Variants in POMGNT2 observed in about 807,000 individuals in gnomAD.
POMGNT2 encodes protein O-linked-mannose beta-1,4-N-acetylglucosaminyltransferase 2.
A neutral mutation model predicts 37.8 loss-of-function variants in POMGNT2; 32 were observed. The observed-to-expected ratio is 0.85, with a 90% confidence interval of 0.64 to 1.14. POMGNT2 has a LOEUF of 1.14. POMGNT2 is among the 50% of genes most tolerant of loss of function. The probability of loss-of-function intolerance (pLI) is 0.00; values close to 1 mark genes in which losing one functional copy is unlikely to be tolerated. For synonymous variants in POMGNT2, 340 were observed against 336.8 expected (o/e 1.01, Z -0.10); for missense variants, 705 against 780.6 (o/e 0.90, Z 1.15).
intron 1 of POMGNT2, among the ~76,000 whole-genome samples, chr3:43,090,798 AACT>A (rs2089937434): frequency 6.6e-6 from 1 of 152,196 alleles, no homozygotes; most frequent in Non-Finnish European, 1.5e-5. Context: ...TAGACCAGGG[AACT>A]GAAGAGGAAC....
At position 43,080,882 on chromosome 3, in the gene POMGNT2, C is replaced by T. The variant is rs368791726; in HGVS notation, c.550G>A (p.Gly184Ser). Residue 184 changes from glycine (G) to serine (S), a missense_variant, in exon 2 of 2, where the codon GGC becomes AGC. Physicochemically the swap from Gly to Ser is moderately conservative, Grantham distance 56 (BLOSUM62 0). Transcript: ENST00000344697. ...PLFYTLRQFP[G>S]LAHEARLFFM... ...AAGAGCCGTGCCTCGTGGGCCAGGC[C>T]GGGAAACTGCCGCAGGGTGTAGAAG... The T allele has an allele frequency of 5.0e-5, 80 of 1,614,110 alleles. No individual in the cohort carries two copies. Among genetic ancestry groups the T allele is most frequent in the East Asian group, 2.5e-4 (11 of 44,870 alleles).
chr3:43,089,342 G>A (rs945720298), intron 1 of POMGNT2, among the ~76,000 whole-genome samples: 3 of 152,170 alleles, frequency 2.0e-5, no homozygotes, highest in Non-Finnish European at 4.4e-5. Context: ...CAAAGGCAGG[G>A]GCTAGGAGGC....
At position 43,081,545 on chromosome 3, in the gene POMGNT2, G is replaced by A; in HGVS notation, c.-105-9C>T. 1 of 914,040 alleles carries A rather than the reference G, an allele frequency of 1.1e-6. No individual in the cohort carries two copies. The highest frequency in any genetic ancestry group is 1.6e-6 in the Non-Finnish European group (1 of 621,108). The allele number at this position is 914,040 out of a possible 1,614,324, so 56.6% of individuals were successfully genotyped here. ...TGAGAACTGGTGAAAGCCTGCAGGA[G>A]GAGAGAAGGAAAAGAAAAAGGAATT... On this transcript the variant is annotated splice_polypyrimidine_tract_variant and intron_variant, in intron 1 of 1. Transcript: ENST00000344697.
Position 43,080,972 on chromosome 3 carries a change from G to C in POMGNT2, c.460C>G (p.Leu154Val). Residue 154 changes from leucine (L) to valine (V), a missense_variant, in exon 2 of 2, where the codon CTC becomes GTC. By Grantham distance (32) the Leu-to-Val change is conservative. Transcript: ENST00000344697. ...TCGGGGTTGAAGCGGTTGGCGATGA[G>C]GGCCACGTCTGGCACGAACACCGGC... is the stretch of plus-strand genomic sequence containing the variant. ...PKPVFVPDVA[L>V]IANRFNPDNL... 3 of 1,614,232 alleles carry C rather than the reference G, an allele frequency of 1.9e-6. No individual in the cohort carries two copies. The highest frequency in any genetic ancestry group is 3.3e-4 in the Middle Eastern group (2 of 6,060).
intron 1 of POMGNT2, among the ~76,000 whole-genome samples, chr3:43,086,291 TA>T (rs1285853232): frequency 6.6e-6 from 1 of 152,244 alleles, no homozygotes; most frequent in African/African-American, 2.4e-5. Context: ...GTCATCCTTA[TA>T]ATCACATCAC....
rs145985652 is a variant in POMGNT2, at chr3:43,088,863, T to C, written c.-105-7327A>G. On this transcript the variant is annotated intron_variant, in intron 1 of 1. Transcript: ENST00000344697. ...TGCTGTGAGAAATGGTAACTCCTCA[T>C]TGCTGAAGCCAGGTTGGGTTGGGAT... Among the ~76,000 whole-genome samples the C allele has an allele frequency of 5.3e-3, 813 of 152,326 alleles. 4 individuals are homozygous for C. The highest frequency in any genetic ancestry group is 8.2e-3 in the Non-Finnish European group (559 of 68,036).
chr3:43,101,176 G>A (rs531731610), intron 1 of POMGNT2, among the ~76,000 whole-genome samples: 2 of 152,322 alleles, frequency 1.3e-5, no homozygotes, highest in South Asian at 2.1e-4. Context: ...AGGCACAAGT[G>A]TGGACTATGG....
At chr3:43,093,121 C>G (rs2089956022) in intron 1 of POMGNT2, among the ~76,000 whole-genome samples, 1 of 152,218 alleles carries the variant, frequency 6.6e-6, no homozygotes, top group Non-Finnish European at 1.5e-5. Context: ...GAATTGGCAG[C>G]AGGTGGGGAT....
chr3:43,093,975 A>G (rs1249268421), intron 1 of POMGNT2, among the ~76,000 whole-genome samples: 1 of 152,166 alleles, frequency 6.6e-6, no homozygotes, highest in South Asian at 2.1e-4. Context: ...ATAAACATAG[A>G]TATTACTGTA....
intron 1 of POMGNT2, among the ~76,000 whole-genome samples, chr3:43,088,399 T>C (rs79513594): frequency 0.011 from 1,681 of 152,324 alleles, 6 homozygotes; most frequent in Non-Finnish European, 0.02. Flanking sequence ...CCTCTGCTTC[T>C]TGGGCGTCCA....
In POMGNT2 at chr3:43,081,027, C is replaced by A; in HGVS notation, c.405G>T (p.Leu135=). The A allele has an allele frequency of 6.2e-7, 1 of 1,614,230 alleles. No individual in the cohort carries two copies. The highest frequency in any genetic ancestry group is 8.5e-7 in the Non-Finnish European group (1 of 1,180,036). The part of the protein sequence containing the change: ...HNTQYFNFVE[L]PAAALRFMPK... ...GCATGAAGCGCAGGGCAGCAGCAGGCAGCTCCACGAAGTTGAAGTACTGAG... is the reference window on the plus strand; with the variant it reads ...GCATGAAGCGCAGGGCAGCAGCAGGAAGCTCCACGAAGTTGAAGTACTGAG... The change falls in exon 2 of 2, where the codon CTG becomes CTT. Residue 135 remains leucine, a synonymous_variant. Transcript: ENST00000344697.
chr3:43,101,209 C>A (rs1190414602), intron 1 of POMGNT2, among the ~76,000 whole-genome samples: 1 of 152,194 alleles, frequency 6.6e-6, no homozygotes, highest in Admixed American at 6.5e-5. Flanking sequence ...CCCATTCTGT[C>A]CTGCCCAGCA....
chr3:43,095,357 G>A (rs1054252721), intron 1 of POMGNT2, among the ~76,000 whole-genome samples: 1 of 152,220 alleles, frequency 6.6e-6, no homozygotes, highest in Non-Finnish European at 1.5e-5. Context: ...CTGATGCAAA[G>A]GACCCCACTG....
intron 1 of POMGNT2, among the ~76,000 whole-genome samples, chr3:43,083,729 TA>T (rs1358032225): frequency 6.6e-6 from 1 of 152,232 alleles, no homozygotes; most frequent in East Asian, 1.9e-4. Flanking sequence ...CATCAGACAG[TA>T]ATTTTGGCTT....
chr3:43,098,492 A>ATT lies in POMGNT2; in HGVS notation c.-106+7342_-106+7343dup, dbSNP rs2089995401. ...ATAGATCAGGTTTTCTGACCAAGGT[A>ATT]TTTATCCTTTGGCAAAATCTTGGCA... is the stretch of plus-strand genomic sequence containing the variant. On this transcript the variant is annotated intron_variant, in intron 1 of 1. Coordinates refer to ENST00000344697, the MANE Select transcript of POMGNT2 (RefSeq NM_032806.6). This position sits in a 1 kb window ranked among gnomAD's most constrained non-coding sequence, Gnocchi z 4.3. Among the ~76,000 whole-genome samples, 3 of 152,310 alleles carry ATT rather than the reference A, an allele frequency of 2.0e-5. No homozygotes were observed. Among genetic ancestry groups the ATT allele is most frequent in the Non-Finnish European group, 4.4e-5 (3 of 68,038 alleles).
intron 1 of POMGNT2, among the ~76,000 whole-genome samples, chr3:43,105,528 G>C (rs2090051729): frequency 1.3e-5 from 2 of 151,902 alleles, no homozygotes; most frequent in Admixed American, 1.3e-4. Context: ...CTGAGGGCTC[G>C]AACTGGCAAG....
At chr3:43,085,393 G>A (rs560584566) in intron 1 of POMGNT2, among the ~76,000 whole-genome samples, 1 of 152,224 alleles carries the variant, frequency 6.6e-6, no homozygotes, top group South Asian at 2.1e-4. Flanking sequence ...AGGACCTGGT[G>A]TGAGATGACT....
chr3:43,079,620 G>T lies in POMGNT2; in HGVS notation c.*69C>A. Reference sequence around the variant, plus strand: ...AATAGTTCCCAGAAGTCTCCACAGTGGGATTAATGGGCCCAGGGACGCTGA... The same window carrying T: ...AATAGTTCCCAGAAGTCTCCACAGTTGGATTAATGGGCCCAGGGACGCTGA... On this transcript the variant is annotated 3_prime_UTR_variant, in exon 2 of 2. Coordinates refer to ENST00000344697, the MANE Select transcript of POMGNT2 (RefSeq NM_032806.6). The T allele has an allele frequency of 7.2e-7, 1 of 1,380,918 alleles. No individual in the cohort carries two copies. The highest frequency in any genetic ancestry group is 1.0e-6 in the Non-Finnish European group (1 of 999,024). The allele number at this position is 1,380,918 out of a possible 1,614,324, so 85.5% of individuals were successfully genotyped here.
intron 1 of POMGNT2, among the ~76,000 whole-genome samples, chr3:43,097,197 G>T (rs764542890): frequency 6.6e-6 from 1 of 152,188 alleles, no homozygotes; most frequent in Non-Finnish European, 1.5e-5. Flanking sequence ...AGAGTAGGAG[G>T]TGCACACTCA....
Sources: gnomAD v4.1 joint callset for allele counts (sites outside exome capture counted in the v4.1 genomes callset) on GRCh38, gnomAD v4.1.1 for gene constraint, Gnocchi (gnomAD v3.1) non-coding constraint, MANE v1.5 for transcripts, NCBI Gene and HGNC (gene_info 2026-07-23, HGNC 2026-07-21) for gene names.